The following CNTNAP2 variants were observed in gnomAD, a reference collection of about 807,000 sequenced individuals.
CNTNAP2 encodes contactin-associated protein-like 2.
A neutral mutation model predicts 155.2 loss-of-function variants in CNTNAP2; 98 were observed. The observed-to-expected ratio is 0.63, with a 90% CI of 0.54 to 0.75. CNTNAP2 has a LOEUF of 0.75. CNTNAP2 is among the 30% of genes least tolerant of loss of function. The pLI, the probability that CNTNAP2 is intolerant of heterozygous loss-of-function variation, is 0.00. For synonymous variants in CNTNAP2, 651 were observed against 631.2 expected, an observed-to-expected ratio of 1.03 and a Z score of -0.47; for missense variants, 1,727 against 1,688.1, an observed-to-expected ratio of 1.02 and a Z score of -0.40.
At chr7:147,038,982 C>T (rs113034338) in intron 3 of CNTNAP2, among the ~76,000 whole-genome samples, 7 of 152,232 alleles carry the variant, frequency 4.6e-5, no homozygotes, top group African/African-American at 1.4e-4. Flanking sequence ...CCTGTTCATT[C>T]CTTCTTCACA....
At chr7:147,968,204 G>T (rs909753564) in intron 14 of CNTNAP2, among the ~76,000 whole-genome samples, 1 of 152,130 alleles carries the variant, frequency 6.6e-6, no homozygotes, top group Non-Finnish European at 1.5e-5. Flanking sequence ...GCAAATCAAA[G>T]AAAAACGTTT....
intron 4 of CNTNAP2, among the ~76,000 whole-genome samples, chr7:147,075,937 C>G (rs558463181): frequency 2.0e-5 from 3 of 152,260 alleles, no homozygotes; most frequent in East Asian, 3.9e-4. Flanking sequence ...CAGCTTCATC[C>G]ATTTCCCTAC....
intron 11 of CNTNAP2, among the ~76,000 whole-genome samples, chr7:147,510,933 C>G (rs764464194): frequency 1.9e-4 from 27 of 143,748 alleles, no homozygotes; most frequent in Non-Finnish European, 3.6e-4. Context: ...TACCACCAGT[C>G]AATCCAACAG....
intron 2 of CNTNAP2, chr7:146,782,341 T>G (rs1357752157): frequency 6.6e-6 from 1 of 152,178 alleles, no homozygotes; most frequent in African/African-American, 2.4e-5. Context: ...TTTCAGGATA[T>G]TTGACATTCC....
chr7:147,332,718 C>T (rs543895757), intron 9 of CNTNAP2, among the ~76,000 whole-genome samples: 7 of 152,016 alleles, frequency 4.6e-5, no homozygotes, highest in Admixed American at 2.6e-4. Context: ...AAGAATTAGC[C>T]GGCTGTGGTA....
chr7:147,242,035 C>A (rs974158811), intron 8 of CNTNAP2, among the ~76,000 whole-genome samples: 1 of 152,326 alleles, frequency 6.6e-6, no homozygotes, highest in South Asian at 2.1e-4. Flanking sequence ...AAACTGCCGA[C>A]TGTCCTCTTG....
intron 8 of CNTNAP2, among the ~76,000 whole-genome samples, chr7:147,267,624 G>A (rs1254862314): frequency 6.6e-6 from 1 of 152,014 alleles, no homozygotes; most frequent in Non-Finnish European, 1.5e-5. Context: ...GGTGAGGGCA[G>A]GAATAAGATC....
chr7:146,649,005 A>G (rs1220050782), intron 1 of CNTNAP2, among the ~76,000 whole-genome samples: 1 of 152,072 alleles, frequency 6.6e-6, no homozygotes, highest in Non-Finnish European at 1.5e-5. Flanking sequence ...AAAAAATTTT[A>G]AAAAGCAATT....
intron 1 of CNTNAP2, among the ~76,000 whole-genome samples, chr7:146,763,913 A>G (rs1294285101): frequency 1.3e-5 from 2 of 152,164 alleles, no homozygotes; most frequent in East Asian, 1.9e-4. Flanking sequence ...TCTTGATTGC[A>G]TGGCCTAATC....
intron 10 of CNTNAP2, among the ~76,000 whole-genome samples, chr7:147,444,807 T>C (rs1255014933): frequency 6.6e-6 from 1 of 152,192 alleles, no homozygotes; most frequent in Non-Finnish European, 1.5e-5. Flanking sequence ...TAGTCCGTTA[T>C]CACACTGCTA....
chr7:148,391,311 T>C (rs985932060), intron 22 of CNTNAP2, among the ~76,000 whole-genome samples: 2 of 147,786 alleles, frequency 1.4e-5, no homozygotes, highest in African/African-American at 5.2e-5. Flanking sequence ...GATTTTCACA[T>C]GATTGGAGTT....
At chr7:146,768,906 A>T (rs899300956) in intron 1 of CNTNAP2, among the ~76,000 whole-genome samples, 1 of 152,192 alleles carries the variant, frequency 6.6e-6, no homozygotes, top group Non-Finnish European at 1.5e-5. Context: ...TTTTGTGTCA[A>T]TTACGTATAT....
At chr7:146,230,604 C>T (rs1410493305) in intron 1 of CNTNAP2, among the ~76,000 whole-genome samples, 2 of 152,092 alleles carry the variant, frequency 1.3e-5, no homozygotes, top group Admixed American at 1.3e-4. Flanking sequence ...TATAGCTTGG[C>T]TTTGGAGTGA....
chr7:148,324,879 C>A (rs940443235), intron 21 of CNTNAP2, among the ~76,000 whole-genome samples: 1 of 151,132 alleles, frequency 6.6e-6, no homozygotes, highest in African/African-American at 2.4e-5. Flanking sequence ...ACACATAGGA[C>A]ATGTATTGAA....
At chr7:146,692,496 T>C (rs1800715004) in intron 1 of CNTNAP2, among the ~76,000 whole-genome samples, 1 of 152,170 alleles carries the variant, frequency 6.6e-6, no homozygotes, top group South Asian at 2.1e-4. Context: ...TGAAGAAATG[T>C]TTAATTGCAA....
chr7:147,626,485 G>A (rs1584864497), intron 12 of CNTNAP2, among the ~76,000 whole-genome samples: 1 of 152,158 alleles, frequency 6.6e-6, no homozygotes, highest in Admixed American at 6.6e-5. Flanking sequence ...CAGCCAAGGA[G>A]AGGCTGAGCT....
intron 15 of CNTNAP2, among the ~76,000 whole-genome samples, chr7:148,092,628 G>A (rs1803867555): frequency 6.6e-6 from 1 of 152,104 alleles, no homozygotes; most frequent in Non-Finnish European, 1.5e-5. Context: ...ACATTTTACT[G>A]TGATTTAAAA....
chr7:148,362,830 G>T (rs1563057746), intron 21 of CNTNAP2, among the ~76,000 whole-genome samples: 1 of 152,172 alleles, frequency 6.6e-6, no homozygotes, highest in Admixed American at 6.5e-5. Flanking sequence ...TACACAGATG[G>T]TCTCCAACTT....
chr7:147,746,840 T>TG (rs1301844493), intron 13 of CNTNAP2, among the ~76,000 whole-genome samples: 1 of 152,150 alleles, frequency 6.6e-6, no homozygotes, highest in Non-Finnish European at 1.5e-5. Flanking sequence ...GAGAATAACA[T>TG]AATATGCCAT....
Sources: gnomAD v4.1 joint callset for allele counts (sites outside exome capture counted in the v4.1 genomes callset) on GRCh38, gnomAD v4.1.1 for gene constraint, MANE v1.5 for transcripts, NCBI Gene and HGNC (gene_info 2026-07-23, HGNC 2026-07-21) for gene names.